The following PRRC2B variants were observed in gnomAD, a reference collection of about 807,000 sequenced individuals.
PRRC2B encodes proline rich coiled-coil 2B.
In PRRC2B, 68 loss-of-function variants were observed where a neutral mutation model predicts 242.3. The ratio of observed to expected loss-of-function variants is 0.28; its 90% confidence interval spans 0.23 to 0.34. The LOEUF (loss-of-function observed/expected upper bound fraction) is 0.34, where lower values mean the gene tolerates loss of function less well. Among genes scored for constraint, PRRC2B ranks in the 10% least tolerant of loss-of-function variants. The pLI is 1.00. For missense variants in PRRC2B, 2,835 were observed against 2,954.8 expected (o/e 0.96, Z 0.94); for synonymous variants, 1,228 against 1,173.6 (o/e 1.05, Z -0.95).
At chr9:131,424,364 G>A (rs1348841212) in intron 1 of PRRC2B, among the ~76,000 whole-genome samples, 2 of 151,782 alleles carry the variant, frequency 1.3e-5, no homozygotes, top group Admixed American at 6.6e-5. Context: ...CCAATAGCGT[G>A]CCCAACAAGT....
intron 1 of PRRC2B, among the ~76,000 whole-genome samples, chr9:131,377,068 C>T (rs533190785): frequency 1.1e-4 from 16 of 152,116 alleles, no homozygotes; most frequent in African/African-American, 1.4e-4. Context: ...GGTTATCTGT[C>T]GGTAGCCAAC....
In PRRC2B at chr9:131,482,184, C is replaced by A. The variant is rs1219727410; in HGVS notation, c.4984-187C>A. Among the ~76,000 whole-genome samples the A allele has an allele frequency of 1.3e-5, 2 of 152,152 alleles. No individual in the cohort carries two copies. Among genetic ancestry groups the A allele is most frequent in the African/African-American group, 2.4e-5 (1 of 41,420 alleles). On this transcript the variant is annotated intron_variant, in intron 20 of 31. Coordinates refer to ENST00000683519, the MANE Select transcript of PRRC2B (RefSeq NM_013318.4). The surrounding 1 kb of genome is among the most constrained non-coding windows in gnomAD (Gnocchi z 5.2). ...AAGATCCTGTGGTCACGAGCTCTATCGGGGTTGGTGTGTTTGGCCACACGT... is the reference window on the plus strand; with the variant it reads ...AAGATCCTGTGGTCACGAGCTCTATAGGGGTTGGTGTGTTTGGCCACACGT...
intron 1 of PRRC2B, among the ~76,000 whole-genome samples, chr9:131,427,442 T>G (rs879424050): frequency 1.2e-4 from 18 of 152,120 alleles, no homozygotes; most frequent in Non-Finnish European, 2.6e-4. Flanking sequence ...GCCATTCTCC[T>G]GCCTCAGCCT....
In PRRC2B at chr9:131,429,468, G is replaced by A. The variant is rs147661456; in HGVS notation, c.-51-626G>A. Among the ~76,000 whole-genome samples, 799 of 152,344 alleles carry A rather than the reference G, an allele frequency of 5.2e-3. 16 individuals carry two copies. The highest frequency in any genetic ancestry group is 0.018 in the African/African-American group (747 of 41,584). On this transcript the variant is annotated intron_variant, in intron 1 of 31. Coordinates refer to ENST00000683519, the MANE Select transcript of PRRC2B (RefSeq NM_013318.4). ...CCCTTGCTAGCCCTGGGGAGTTCTT[G>A]CTTTCTGTTTTCCATGTGTGTAGCT...
Position 131,459,279 on chromosome 9 carries a change from C to A in PRRC2B, c.1327C>A (p.Arg443Ser), listed in dbSNP as rs371546700. The A allele has an allele frequency of 6.2e-7, 1 of 1,613,904 alleles. No individual in the cohort carries two copies. Among genetic ancestry groups the A allele is most frequent in the Non-Finnish European group, 8.5e-7 (1 of 1,179,864 alleles). The change falls in exon 11 of 32, where the codon CGT (arginine) becomes AGT (serine). Residue 443 changes from arginine to serine, a missense_variant. Transcript: ENST00000683519. ...CTGGGCTGAAGCAGTGGGTGCGTCC[C>A]GTGTGGTCCGAAAGGCGCCAGACCC... ...KDWAEAVGAS[R>S]VVRKAPDPQP...
In PRRC2B at chr9:131,482,674, G is replaced by C. The variant is rs779253365; in HGVS notation, c.5176-36G>C. On this transcript the variant is annotated intron_variant, in intron 21 of 31. Transcript: ENST00000683519. This position sits in a 1 kb window ranked among gnomAD's most constrained non-coding sequence, Gnocchi z 5.2. ...GAAGCTAGAGAGTGTGGTCATTCCA[G>C]TCTGTGTGTCTCCACCTCTCTGCTT... The C allele has an allele frequency of 9.8e-6, 15 of 1,530,606 alleles. No homozygotes were observed. The Admixed American group carries it at 2.1e-4, about 22-fold the overall frequency. The allele number at this position is 1,530,606 out of a possible 1,614,324, so 94.8% of individuals were successfully genotyped here. A position where few individuals can be genotyped will look rare whatever the true frequency, so the allele number is the denominator to read the frequency against.
intron 23 of PRRC2B, among the ~76,000 whole-genome samples, chr9:131,484,472 T>C (rs1204262186): frequency 6.6e-6 from 1 of 152,144 alleles, no homozygotes. Context: ...ATCTGGGTGG[T>C]CTTGGGTACA....
chr9:131,429,856 G>A (rs111545130), intron 1 of PRRC2B, among the ~76,000 whole-genome samples: 1,713 of 152,090 alleles, frequency 0.011, 13 homozygotes, highest in Non-Finnish European at 0.017. Context: ...GTGGGGGTTG[G>A]GGGGGTACTC....
At chr9:131,399,727 A>G (rs1477487411) in intron 1 of PRRC2B, among the ~76,000 whole-genome samples, 1 of 152,222 alleles carries the variant, frequency 6.6e-6, no homozygotes, top group East Asian at 1.9e-4. Flanking sequence ...GAGCAATAGT[A>G]TATATACATT....
intron 1 of PRRC2B, among the ~76,000 whole-genome samples, chr9:131,417,374 C>G (rs1837687293): frequency 6.6e-6 from 1 of 152,116 alleles, no homozygotes; most frequent in Admixed American, 6.5e-5. Flanking sequence ...GTCTAGACTT[C>G]TCTTGTTTAA....
chr9:131,410,323 G>A (rs961164783), intron 1 of PRRC2B, among the ~76,000 whole-genome samples: 5 of 152,226 alleles, frequency 3.3e-5, no homozygotes, highest in African/African-American at 9.7e-5. Flanking sequence ...GTGGGATGCT[G>A]TATTAGAGTA....
In PRRC2B at chr9:131,482,433, G is replaced by A. The variant is rs752295120; in HGVS notation, c.5046G>A (p.Ser1682=). Reference sequence around the variant, plus strand: ...ACTTGAGTGCCGAGTCTCGGGAGTCGTCTGCGACCTCCTCGCAGCGCAGCT... The same window carrying A: ...ACTTGAGTGCCGAGTCTCGGGAGTCATCTGCGACCTCCTCGCAGCGCAGCT... The part of the protein sequence containing the change: ...GVDLSAESRE[S]SATSSQRSSP... Residue 1682 remains serine, a synonymous_variant, in exon 21 of 32, where the codon TCG becomes TCA. Transcript: ENST00000683519. This position sits in a 1 kb window ranked among gnomAD's most constrained non-coding sequence, Gnocchi z 5.2. 33 of 1,605,744 alleles carry A rather than the reference G, an allele frequency of 2.1e-5. No homozygotes were observed. The highest frequency in any genetic ancestry group is 1.1e-4 in the South Asian group (10 of 90,904).
At chr9:131,381,689 G>A (rs1024011009) in intron 1 of PRRC2B, among the ~76,000 whole-genome samples, 3 of 151,596 alleles carry the variant, frequency 2.0e-5, no homozygotes, top group Non-Finnish European at 4.4e-5. Flanking sequence ...AAAGTGCTGG[G>A]ATTATAGGCG....
rs1588272692 is a variant in PRRC2B at position 131,473,697 on chromosome 9, A to G, written c.2297A>G (p.Asp766Gly). ...GYPLPHPKSS[D>G]TLAMDMRVRN... ...CCGCTCCCGCACCCGAAGTCGAGTG[A>G]CACCTTGGCTATGGACATGCGTGTC... is the stretch of plus-strand genomic sequence containing the variant. The change falls in exon 15 of 32, where the codon GAC becomes GGC. Residue 766 changes from aspartate (D) to glycine (G), a missense_variant. Asp to Gly is a moderately conservative substitution (Grantham distance 94). Around this residue, in one of 7 missense-constraint regions of PRRC2B, gnomAD observed 1,536 missense variants for 1,483.1 expected, o/e 1.04. Coordinates refer to ENST00000683519, the MANE Select transcript of PRRC2B (RefSeq NM_013318.4). 2 of 1,613,596 alleles carry G rather than the reference A, an allele frequency of 1.2e-6. No individual in the cohort carries two copies. The highest frequency in any genetic ancestry group is 2.2e-5 in the East Asian group (1 of 44,868).
intron 3 of PRRC2B, among the ~76,000 whole-genome samples, chr9:131,435,292 C>T (rs1838314684): frequency 7.0e-6 from 1 of 142,074 alleles, no homozygotes; most frequent in Admixed American, 7.4e-5. Context: ...AGCGAGATTC[C>T]ATCTCGAAAA....
chr9:131,473,096 G>T (rs192258889), intron 14 of PRRC2B, among the ~76,000 whole-genome samples: 1 of 152,134 alleles, frequency 6.6e-6, no homozygotes, highest in South Asian at 2.1e-4. Context: ...AGACAGACCC[G>T]CCAGTCTGTT....
Position 131,475,147 on chromosome 9 carries a change from AGGCCCT to A in PRRC2B, c.3023_3028del (p.Pro1008_Gly1009del), listed in dbSNP as rs779479848. 1.9e-6 allele frequency: 3 copies of A among 1,613,026 alleles called. No individual in the cohort carries two copies. In the Admixed American group the frequency reaches 5.0e-5, roughly 27 times the overall value. On this transcript the variant is annotated inframe_deletion, in exon 16 of 32. Transcript: ENST00000683519. ...CCTCCACCACCACTTTGGAGGACAA[AGGCCCT>A]GGCCATGCCACTTTTGGCCGCGAGG...
chr9:131,475,115 G>A lies in PRRC2B; in HGVS notation c.2986G>A (p.Ala996Thr). 1 of 1,611,690 alleles carries A rather than the reference G, an allele frequency of 6.2e-7. No homozygotes were observed. The highest frequency in any genetic ancestry group is 1.1e-5 in the South Asian group (1 of 90,578). The change falls in exon 16 of 32, where the codon GCC (alanine) becomes ACC (threonine). Residue 996 changes from alanine (A) to threonine (T), a missense_variant. Coordinates refer to ENST00000683519, the MANE Select transcript of PRRC2B (RefSeq NM_013318.4). ...DEDEENDASL[A>T]NSSTTTLEDK... ...GGACGAAGAGAACGATGCCTCTCTG[G>A]CCAACTCCTCCACCACCACTTTGGA...
chr9:131,434,575 T>A (rs538008986), intron 3 of PRRC2B, among the ~76,000 whole-genome samples: 3 of 152,226 alleles, frequency 2.0e-5, no homozygotes, highest in Non-Finnish European at 4.4e-5. Flanking sequence ...AGCTTCTCTT[T>A]TAGGTAGAAG....
Sources: gnomAD v4.1 joint callset for allele counts (sites outside exome capture counted in the v4.1 genomes callset) on GRCh38, gnomAD v4.1.1 for gene constraint, gnomAD v4.1.1 regional missense constraint, Gnocchi (gnomAD v3.1) non-coding constraint, MANE v1.5 for transcripts, NCBI Gene and HGNC (gene_info 2026-07-23, HGNC 2026-07-21) for gene names.